Variants in SDR42E1 observed in about 807,000 individuals in gnomAD.
The protein encoded by SDR42E1 is short-chain dehydrogenase/reductase family 42E member 1.
SDR42E1 carries 5 observed loss-of-function variants against 2.6 expected under a neutral mutation model. The observed-to-expected ratio is 1.94, with a 90% CI of 1.01 to 4.08. The LOEUF is 4.08. Among genes scored for constraint, SDR42E1 ranks in the 30% most tolerant of loss-of-function variants. The pLI is 0.00. For missense variants in SDR42E1, 596 were observed against 478.6 expected, an observed-to-expected ratio of 1.25 and a Z score of -2.29; for synonymous variants, 231 against 188.3, an observed-to-expected ratio of 1.23 and a Z score of -1.86.
rs1912600188 is a variant in SDR42E1, at chr16:81,998,360, G to GA, written c.*750dup. ...TGAGGGCACACCCAAAGACATTGCA[G>GA]AAAGTCCAGTAGCAATAGCCCTCTA... On this transcript the variant is annotated 3_prime_UTR_variant, in exon 3 of 3. Coordinates refer to ENST00000328945, the MANE Select transcript of SDR42E1 (RefSeq NM_145168.3). The GA allele has an allele frequency of 6.6e-6, 1 of 152,220 alleles. No individual in the cohort carries two copies. Among genetic ancestry groups the GA allele is most frequent in the South Asian group, 2.1e-4 (1 of 4,828 alleles). The allele number at this position is 152,220 out of a possible 1,614,324, so 9.4% of individuals were successfully genotyped here.
chr16:81,989,565 AC>A lies in SDR42E1; in HGVS notation c.*9545del, dbSNP rs1912380562. The stretch of plus-strand genomic sequence containing the variant: ...TAGCCCCACAATTTAAAACCAACAC[AC>A]ACCGCTATGGGTGTTTATAGACATC... On this transcript the variant is annotated 3_prime_UTR_variant, in exon 3 of 3. Coordinates refer to ENST00000328945, the MANE Select transcript of SDR42E1 (RefSeq NM_145168.3). 3.3e-5 allele frequency: 5 copies of A among 152,250 alleles called. No homozygotes were observed. In the South Asian group the frequency reaches 1.0e-3, roughly 32 times the overall value. 9.4% of individuals were successfully genotyped at this position (152,250 alleles called of 1,614,324 possible).
chr16:82,004,848 C>G (rs1252245559), intron 1 of SDR42E1, among the ~76,000 whole-genome samples: 1 of 152,184 alleles, frequency 6.6e-6, no homozygotes, highest in Non-Finnish European at 1.5e-5. Flanking sequence ...GGCCAGTGTG[C>G]TCAGGTGAAA....
rs763632032 is a variant in SDR42E1, at chr16:81,999,622, T to C, written c.671A>G (p.His224Arg). 6.2e-7 allele frequency: 1 copy of C among 1,614,038 alleles called. No homozygotes were observed. The highest frequency in any genetic ancestry group is 8.5e-7 in the Non-Finnish European group (1 of 1,180,040). Residue 224 changes from histidine to arginine, a missense_variant, in exon 3 of 3, where the codon CAC becomes CGC. By Grantham distance (29) the His-to-Arg change is conservative. Coordinates refer to ENST00000328945, the MANE Select transcript of SDR42E1 (RefSeq NM_145168.3). ...GDPRSLVEFVHVDNLVQAHIL... is the reference protein window; with the variant it reads ...GDPRSLVEFVRVDNLVQAHIL... ...GTGAGCCTGCACCAAGTTATCCACG[T>C]GGACAAACTCAACCAGGCTCCTGGG...
Position 81,992,104 on chromosome 16 carries a change from T to G in SDR42E1, c.*7007A>C, listed in dbSNP as rs186741515. On this transcript the variant is annotated 3_prime_UTR_variant, in exon 3 of 3. Coordinates refer to ENST00000328945, the MANE Select transcript of SDR42E1 (RefSeq NM_145168.3). ...CCAGGAGGTGGAGGTTGCAGTGAGCTGAGATCACGCCATTGCACTCCAGCC... is the reference window on the plus strand; with the variant it reads ...CCAGGAGGTGGAGGTTGCAGTGAGCGGAGATCACGCCATTGCACTCCAGCC... The G allele has an allele frequency of 1.3e-5, 2 of 151,974 alleles. No homozygotes were observed. The highest frequency in any genetic ancestry group is 4.8e-5 in the African/African-American group (2 of 41,366). 9.4% of individuals were successfully genotyped at this position (151,974 alleles called of 1,614,324 possible). A position where few individuals can be genotyped will look rare whatever the true frequency, so the allele number is the denominator to read the frequency against.
Position 82,000,201 on chromosome 16 carries a change from T to A in SDR42E1, c.92A>T (p.Asn31Ile). The A allele has an allele frequency of 6.2e-7, 1 of 1,608,706 alleles. No homozygotes were observed. The highest frequency in any genetic ancestry group is 8.5e-7 in the Non-Finnish European group (1 of 1,177,574). Residue 31 changes from asparagine (N) to isoleucine (I), a missense_variant, in exon 3 of 3, where the codon AAT becomes ATT. Transcript: ENST00000328945. ...GTCAAACAGAATCACATGGACTCCA[T>A]TTTGGTTCAGGGCACAGCCCAGGCT... ...GFRLGCALNQ[N>I]GVHVILFDIS...
chr16:81,997,973 G>A lies in SDR42E1; in HGVS notation c.*1138C>T, dbSNP rs1316268279. ...CTTTCCACAGTAATGTATCCCCCTT[G>A]TAATGTTCCCATACTATCCTTTCTG... is the stretch of plus-strand genomic sequence containing the variant. On this transcript the variant is annotated 3_prime_UTR_variant, in exon 3 of 3. Transcript: ENST00000328945. The A allele has an allele frequency of 6.6e-6, 1 of 152,196 alleles. No homozygotes were observed. The highest frequency in any genetic ancestry group is 2.4e-5 in the African/African-American group (1 of 41,438). 9.4% of individuals were successfully genotyped at this position (152,196 alleles called of 1,614,324 possible).
intron 1 of SDR42E1, among the ~76,000 whole-genome samples, chr16:82,004,404 T>C (rs1912867065): frequency 1.3e-5 from 2 of 152,312 alleles, no homozygotes; most frequent in South Asian, 4.1e-4. Flanking sequence ...ATGGCTGGTG[T>C]GCAAACTGAA....
At chr16:82,002,555 GT>G (rs1341397708) in intron 1 of SDR42E1, among the ~76,000 whole-genome samples, 1 of 152,136 alleles carries the variant, frequency 6.6e-6, no homozygotes, top group Non-Finnish European at 1.5e-5. Context: ...ATTAGATCCT[GT>G]TTTTCAGCTG....
At chr16:82,003,493 T>C (rs1244513807) in intron 1 of SDR42E1, among the ~76,000 whole-genome samples, 2 of 152,254 alleles carry the variant, frequency 1.3e-5, no homozygotes, top group South Asian at 2.1e-4. Flanking sequence ...TTTCCCACTC[T>C]TCTGCTACTG....
chr16:82,001,541 C>G (rs187022352), intron 1 of SDR42E1, among the ~76,000 whole-genome samples: 2 of 151,954 alleles, frequency 1.3e-5, no homozygotes, highest in African/African-American at 4.8e-5. Flanking sequence ...TTTCAAGGCT[C>G]CAAGGCCCCC....
Position 81,993,510 on chromosome 16 carries a change from C to G in SDR42E1, c.*5601G>C, listed in dbSNP as rs529131661. 2 of 152,328 alleles carry G rather than the reference C, an allele frequency of 1.3e-5. No individual in the cohort carries two copies. The highest frequency in any genetic ancestry group is 4.8e-5 in the African/African-American group (2 of 41,580). The allele number at this position is 152,328 out of a possible 1,614,324, so 9.4% of individuals were successfully genotyped here. On this transcript the variant is annotated 3_prime_UTR_variant, in exon 3 of 3. Transcript: ENST00000328945. The stretch of plus-strand genomic sequence containing the variant: ...AGTGAAAGGACCGATTCCAGAGCTT[C>G]CTACTCTGCCGTTTTACATGATGTC...
Position 81,997,515 on chromosome 16 carries a change from G to A in SDR42E1, c.*1596C>T, listed in dbSNP as rs768502405. ...CTTGGATGACCTGCTCTGGGGATGA[G>A]GATATTCAAGCAGTTCTAGAACAAT... On this transcript the variant is annotated 3_prime_UTR_variant, in exon 3 of 3. Transcript: ENST00000328945. 3.3e-5 allele frequency: 5 copies of A among 152,214 alleles called. No individual in the cohort carries two copies. The highest frequency in any genetic ancestry group is 7.3e-5 in the Non-Finnish European group (5 of 68,066). The allele number at this position is 152,214 out of a possible 1,614,324, so 9.4% of individuals were successfully genotyped here.
intron 1 of SDR42E1, among the ~76,000 whole-genome samples, chr16:82,003,265 C>T (rs895608653): frequency 6.6e-6 from 1 of 152,222 alleles, no homozygotes; most frequent in African/African-American, 2.4e-5. Context: ...CCAGCACTCC[C>T]TCAATGCACC....
At position 81,993,216 on chromosome 16, in the gene SDR42E1, G is replaced by C. The variant is rs1165979577; in HGVS notation, c.*5895C>G. 6.6e-6 allele frequency: 1 copy of C among 152,166 alleles called. No individual in the cohort carries two copies. The highest frequency in any genetic ancestry group is 2.4e-5 in the African/African-American group (1 of 41,430). The allele number at this position is 152,166 out of a possible 1,614,324, so 9.4% of individuals were successfully genotyped here. A position where few individuals can be genotyped will look rare whatever the true frequency, so the allele number is the denominator to read the frequency against. On this transcript the variant is annotated 3_prime_UTR_variant, in exon 3 of 3. Transcript: ENST00000328945. Reference sequence around the variant, plus strand: ...TGTACTGAGCACCTGCTGTAGCAAAGCACTGCAAAGGGAAGAGCCAAGCAG... The same window carrying C: ...TGTACTGAGCACCTGCTGTAGCAAACCACTGCAAAGGGAAGAGCCAAGCAG...
In SDR42E1 at chr16:81,999,079, C is replaced by T; in HGVS notation, c.*32G>A. 1 of 1,592,652 alleles carries T rather than the reference C, an allele frequency of 6.3e-7. No homozygotes were observed. On this transcript the variant is annotated 3_prime_UTR_variant, in exon 3 of 3. Coordinates refer to ENST00000328945, the MANE Select transcript of SDR42E1 (RefSeq NM_145168.3). ...CATGTTTCTTGAGAACCATCTCAGC[C>T]AACTGTGATCACCTTATTTCTGGCC...
Position 81,994,090 on chromosome 16 carries a change from C to T in SDR42E1, c.*5021G>A, listed in dbSNP as rs1465990150. ...TGGCACACCAGGACATGCTGCGATT[C>T]CTGGAGAAAAATCGAACTTAAAGGA... On this transcript the variant is annotated 3_prime_UTR_variant, in exon 3 of 3. Coordinates refer to ENST00000328945, the MANE Select transcript of SDR42E1 (RefSeq NM_145168.3). The T allele has an allele frequency of 6.6e-6, 1 of 152,070 alleles. No homozygotes were observed. The highest frequency in any genetic ancestry group is 2.4e-5 in the African/African-American group (1 of 41,390). The allele number at this position is 152,070 out of a possible 1,614,324, so 9.4% of individuals were successfully genotyped here. A position where few individuals can be genotyped will look rare whatever the true frequency, so the allele number is the denominator to read the frequency against.
chr16:81,999,452 G>A lies in SDR42E1; in HGVS notation c.841C>T (p.Arg281Cys), dbSNP rs200460124. The change falls in exon 3 of 3, where the codon CGC (arginine) becomes TGC (cysteine). Residue 281 changes from arginine (R) to cysteine (C), a missense_variant. Arg to Cys is a radical substitution (Grantham distance 180). Transcript: ENST00000328945. Reference protein sequence around the residue: ...EGLGYTFPSTRLPLTLVYCFA... With the variant: ...EGLGYTFPSTCLPLTLVYCFA... ...CAGTAGACCAAGGTCAATGGCAGGC[G>A]GGTAGACGGGAATGTGTAGCCCAGG... 2.1e-4 allele frequency: 347 copies of A among 1,614,114 alleles called. No individual in the cohort carries two copies. In the African/African-American group the frequency reaches 3.2e-3, roughly 15 times the overall value.
intron 1 of SDR42E1, 39 bp downstream of exon 1, chr16:82,011,348 A>C (rs955612778): frequency 1.3e-5 from 2 of 152,426 alleles, no homozygotes; most frequent in Non-Finnish European, 2.9e-5. Flanking sequence ...TCCCCGCGGA[A>C]GGGCGGCGGC....
At chr16:82,011,355 CG>C (rs1390438626) in intron 1 of SDR42E1, 31 bp downstream of exon 1, 1 of 152,420 alleles carries the variant, frequency 6.6e-6, no homozygotes, top group African/African-American at 2.4e-5. Context: ...GGAAGGGCGG[CG>C]GCCCCCCAAC....
Sources: allele counts gnomAD v4.1 joint callset (sites outside exome capture counted in the v4.1 genomes callset), GRCh38; gene constraint gnomAD v4.1.1; transcripts MANE v1.5; gene names NCBI Gene and HGNC (gene_info 2026-07-23, HGNC 2026-07-21).